Variants in MAP4K3 observed in about 807,000 individuals in gnomAD.
MAP4K3 encodes the protein mitogen-activated protein kinase kinase kinase kinase 3.
Under a neutral mutation model 143.5 loss-of-function variants are expected in MAP4K3, and 94 were observed. The observed-to-expected ratio is 0.65, with a 90% CI of 0.55 to 0.78. The LOEUF (loss-of-function observed/expected upper bound fraction) is 0.78, where lower values mean the gene tolerates loss of function less well. Ranked by LOEUF, MAP4K3 falls within the 30% of genes least tolerant of loss-of-function variation. MAP4K3 has a pLI of 0.00. For missense variants in MAP4K3, 1,077 were observed against 1,068.1 expected (o/e 1.01, Z -0.12); for synonymous variants, 416 against 347.2 (o/e 1.20, Z -2.20).
intron 1 of MAP4K3, among the ~76,000 whole-genome samples, chr2:39,398,442 A>G (rs1666868195): frequency 6.6e-6 from 1 of 152,092 alleles, no homozygotes; most frequent in Non-Finnish European, 1.5e-5. Flanking sequence ...AACAGAAATT[A>G]ACAAAAATTA....
intron 21 of MAP4K3, among the ~76,000 whole-genome samples, chr2:39,283,376 C>T (rs557964960): frequency 6.6e-6 from 1 of 152,282 alleles, no homozygotes; most frequent in South Asian, 2.1e-4. Context: ...ATGCCTCTGA[C>T]TGCTAGGAAG....
chr2:39,287,368 A>C (rs1681835905), intron 20 of MAP4K3, among the ~76,000 whole-genome samples: 1 of 151,128 alleles, frequency 6.6e-6, no homozygotes, highest in Admixed American at 6.6e-5. Context: ...ATCTTGGCTC[A>C]GTGCAAACTC....
intron 1 of MAP4K3, among the ~76,000 whole-genome samples, chr2:39,434,353 T>G (rs1176998840): frequency 6.6e-6 from 1 of 152,218 alleles, no homozygotes; most frequent in Non-Finnish European, 1.5e-5. Flanking sequence ...AACAAGAGTT[T>G]GGCAGGCAGG....
intron 8 of MAP4K3, among the ~76,000 whole-genome samples, chr2:39,329,647 C>A (rs1158301253): frequency 3.3e-5 from 5 of 152,242 alleles, no homozygotes; most frequent in African/African-American, 1.2e-4. Context: ...CTATTGCCCC[C>A]CAATTCCCAC....
At chr2:39,424,646 A>G (rs974625601) in intron 1 of MAP4K3, among the ~76,000 whole-genome samples, 8 of 152,080 alleles carry the variant, frequency 5.3e-5, no homozygotes, top group African/African-American at 1.9e-4. Flanking sequence ...CCAAGGCAAC[A>G]TAGTGAGACC....
chr2:39,381,367 C>T (rs928424965), intron 1 of MAP4K3, among the ~76,000 whole-genome samples: 23 of 152,200 alleles, frequency 1.5e-4, no homozygotes, highest in African/African-American at 4.8e-4. Context: ...GAGTTCTTCA[C>T]ATATATTCTG....
At chr2:39,407,105 AC>A (rs1286790674) in intron 1 of MAP4K3, among the ~76,000 whole-genome samples, 1 of 152,224 alleles carries the variant, frequency 6.6e-6, no homozygotes, top group African/African-American at 2.4e-5. Flanking sequence ...CACTGTATTA[AC>A]AGACCAAAAA....
At chr2:39,399,044 T>TAAAA (rs57189056) in intron 1 of MAP4K3, among the ~76,000 whole-genome samples, 3 of 116,424 alleles carry the variant, frequency 2.6e-5, no homozygotes, top group Admixed American at 9.0e-5. Context: ...TCTGTCTCGT[T>TAAAA]AAAAAAAAAA....
chr2:39,388,419 T>A (rs1158294136), intron 1 of MAP4K3, among the ~76,000 whole-genome samples: 1 of 152,228 alleles, frequency 6.6e-6, no homozygotes, highest in African/African-American at 2.4e-5. Flanking sequence ...AGATGTAGTA[T>A]AAACAGCTTT....
intron 28 of MAP4K3, among the ~76,000 whole-genome samples, chr2:39,264,002 A>G (rs939017125): frequency 6.6e-6 from 1 of 152,260 alleles, no homozygotes; most frequent in Non-Finnish European, 1.5e-5. Flanking sequence ...GTATACAAGA[A>G]TAACTGATAT....
intron 12 of MAP4K3, among the ~76,000 whole-genome samples, chr2:39,322,220 C>A (rs981309660): frequency 6.6e-6 from 1 of 152,134 alleles, no homozygotes; most frequent in Non-Finnish European, 1.5e-5. Context: ...GACTTTTGAT[C>A]TAATATACAG....
intron 1 of MAP4K3, among the ~76,000 whole-genome samples, chr2:39,386,373 C>A (rs1359992917): frequency 6.6e-6 from 1 of 152,130 alleles, no homozygotes; most frequent in Admixed American, 6.5e-5. Flanking sequence ...GGCAGCCTTG[C>A]CAAACAAATA....
chr2:39,278,914 A>T (rs180770064), intron 23 of MAP4K3, among the ~76,000 whole-genome samples: 2 of 152,294 alleles, frequency 1.3e-5, no homozygotes, highest in Admixed American at 1.3e-4. Context: ...ACTCTAATTT[A>T]AAAAACCCCA....
At chr2:39,425,119 C>A (rs995834731) in intron 1 of MAP4K3, among the ~76,000 whole-genome samples, 2 of 152,000 alleles carry the variant, frequency 1.3e-5, no homozygotes, top group African/African-American at 2.4e-5. Context: ...CACCACCCCC[C>A]CAGCCCCTCC....
At chr2:39,277,657 C>A (rs72925211) in intron 24 of MAP4K3, among the ~76,000 whole-genome samples, 66 of 152,046 alleles carry the variant, frequency 4.3e-4, no homozygotes, top group African/African-American at 1.4e-3. Flanking sequence ...CTCCTCCTCC[C>A]GGGTTCAAGT....
chr2:39,348,489 C>T (rs1665360617), intron 3 of MAP4K3, among the ~76,000 whole-genome samples: 1 of 152,216 alleles, frequency 6.6e-6, no homozygotes, highest in Non-Finnish European at 1.5e-5. Context: ...TTTCATCTGT[C>T]CCATGAATAT....
At position 39,309,447 on chromosome 2, in the gene MAP4K3, G is replaced by A. The variant is rs1682858403; in HGVS notation, c.1056+14C>T. The A allele has an allele frequency of 6.4e-7, 1 of 1,563,136 alleles. No homozygotes were observed. Among genetic ancestry groups the A allele is most frequent in the Non-Finnish European group, 8.7e-7 (1 of 1,148,478 alleles). ...TTATTTTCAGTGCTAACATTCTAAG[G>A]CTATACTACTTACAAGTTCATGATG... On this transcript the variant is annotated intron_variant, in intron 14 of 33. Transcript: ENST00000263881.
intron 1 of MAP4K3, among the ~76,000 whole-genome samples, chr2:39,406,927 A>G (rs953182780): frequency 6.6e-6 from 1 of 152,224 alleles, no homozygotes; most frequent in African/African-American, 2.4e-5. Context: ...TGATAACAAG[A>G]CACAGATGTT....
chr2:39,365,767 A>G (rs1400990539), intron 2 of MAP4K3, among the ~76,000 whole-genome samples: 1 of 152,200 alleles, frequency 6.6e-6, no homozygotes, highest in Non-Finnish European at 1.5e-5. Context: ...AAAATGTCCT[A>G]TAGCCAAGAG....
Sources: gnomAD v4.1 joint callset for allele counts (sites outside exome capture counted in the v4.1 genomes callset) on GRCh38, gnomAD v4.1.1 for gene constraint, MANE v1.5 for transcripts, NCBI Gene and HGNC (gene_info 2026-07-23, HGNC 2026-07-21) for gene names.